CSMD1: variants seen among roughly 807,000 people sequenced by gnomAD.
CSMD1 encodes CUB and sushi domain-containing protein 1.
A neutral mutation model predicts 417.5 loss-of-function variants in CSMD1; 213 were observed. The ratio of observed to expected loss-of-function variants is 0.51; its 90% CI spans 0.46 to 0.57. CSMD1 has a LOEUF of 0.57. Among genes scored for constraint, CSMD1 ranks in the 20% least tolerant of loss-of-function variants. CSMD1 has a pLI of 0.00. For missense variants in CSMD1, 6,923 were observed against 4,529.7 expected (o/e 1.53, Z -15.17); for synonymous variants, 2,862 against 1,736.8 (o/e 1.65, Z -16.11).
intron 7 of CSMD1, among the ~76,000 whole-genome samples, chr8:3,628,253 CT>C (rs1796592464): frequency 6.6e-6 from 1 of 152,036 alleles, no homozygotes; most frequent in Non-Finnish European, 1.5e-5. Context: ...GAGAATAGTT[CT>C]TTCTTTAAAG....
rs184077642 is a variant in CSMD1 at position 3,947,355 on chromosome 8, A to G, written c.818+50548T>C. On this transcript the variant is annotated intron_variant, in intron 5 of 69. Transcript: ENST00000635120. ...CAATGATTTTCAAGAATGTTAAACCAATCTCGTATTCCTGAAAGTGACCCC... is the reference window on the plus strand; with the variant it reads ...CAATGATTTTCAAGAATGTTAAACCGATCTCGTATTCCTGAAAGTGACCCC... Among the ~76,000 whole-genome samples, 36 of 152,334 alleles carry G rather than the reference A, an allele frequency of 2.4e-4. No individual in the cohort carries two copies. The East Asian group carries it at 6.4e-3, about 27-fold the overall frequency.
intron 11 of CSMD1, among the ~76,000 whole-genome samples, chr8:3,485,623 G>C (rs781520633): frequency 2.0e-5 from 3 of 151,772 alleles, no homozygotes; most frequent in Non-Finnish European, 4.4e-5. Flanking sequence ...AGCTGGGTGT[G>C]GTGGCGCATG....
intron 3 of CSMD1, among the ~76,000 whole-genome samples, chr8:4,390,108 C>G (rs543465014): frequency 6.6e-6 from 1 of 152,294 alleles, no homozygotes; most frequent in East Asian, 1.9e-4. Context: ...ATTTGGTATT[C>G]CATAATTTTT....
intron 25 of CSMD1, among the ~76,000 whole-genome samples, chr8:3,291,584 T>C (rs905429858): frequency 2.0e-5 from 3 of 152,304 alleles, no homozygotes; most frequent in East Asian, 3.9e-4. Context: ...AATTTATCCA[T>C]TTTTTCTAGA....
At chr8:4,842,563 G>A (rs940129896) in intron 1 of CSMD1, among the ~76,000 whole-genome samples, 1 of 152,188 alleles carries the variant, frequency 6.6e-6, no homozygotes, top group Non-Finnish European at 1.5e-5. Flanking sequence ...CAACGTAGGA[G>A]CCATATTGAG....
chr8:4,613,883 G>T (rs548740216), intron 2 of CSMD1, among the ~76,000 whole-genome samples: 6 of 134,538 alleles, frequency 4.5e-5, no homozygotes, highest in East Asian at 4.1e-4. Flanking sequence ...AAAAGAAAAC[G>T]TTCCTCAATC....
chr8:3,934,333 C>G (rs999394120), intron 5 of CSMD1, among the ~76,000 whole-genome samples: 1 of 152,082 alleles, frequency 6.6e-6, no homozygotes, highest in African/African-American at 2.4e-5. Flanking sequence ...AAATAGTTAA[C>G]ACGTACAAAA....
At chr8:3,331,620 T>C (rs1169758172) in intron 23 of CSMD1, among the ~76,000 whole-genome samples, 1 of 152,164 alleles carries the variant, frequency 6.6e-6, no homozygotes, top group East Asian at 1.9e-4. Flanking sequence ...AGACAATGAA[T>C]GTGAATTGCC....
At chr8:3,299,899 A>G (rs1200338701) in intron 25 of CSMD1, among the ~76,000 whole-genome samples, 2 of 152,338 alleles carry the variant, frequency 1.3e-5, no homozygotes, top group Middle Eastern at 6.8e-3. Context: ...TGCTGGTGGT[A>G]TATCTACTCC....
intron 1 of CSMD1, among the ~76,000 whole-genome samples, chr8:4,718,222 C>A (rs532415615): frequency 6.6e-6 from 1 of 152,198 alleles, no homozygotes; most frequent in East Asian, 1.9e-4. Context: ...AGTGATTCTC[C>A]TGTCTCAGCC....
intron 1 of CSMD1, among the ~76,000 whole-genome samples, chr8:4,868,069 A>G (rs1006061100): frequency 2.6e-5 from 4 of 152,152 alleles, no homozygotes; most frequent in African/African-American, 9.6e-5. Context: ...TTTGTCTCTT[A>G]TTTACTGGAA....
intron 3 of CSMD1, among the ~76,000 whole-genome samples, chr8:4,067,349 G>A (rs951557639): frequency 6.6e-6 from 1 of 152,144 alleles, no homozygotes; most frequent in Non-Finnish European, 1.5e-5. Context: ...ATAATTCAGG[G>A]AATTTTAAAG....
intron 10 of CSMD1, among the ~76,000 whole-genome samples, chr8:3,517,183 A>G (rs975212870): frequency 6.6e-6 from 1 of 152,130 alleles, no homozygotes; most frequent in Admixed American, 6.6e-5. Context: ...CTGTCACCAG[A>G]TGTTTGACTC....
intron 50 of CSMD1, among the ~76,000 whole-genome samples, chr8:3,030,584 C>G (rs1388267682): frequency 2.2e-4 from 34 of 151,980 alleles, no homozygotes; most frequent in Admixed American, 2.2e-3. Context: ...TCAAGCGATT[C>G]TCCTGCCTCA....
chr8:4,005,596 A>G (rs1816048041), intron 4 of CSMD1, among the ~76,000 whole-genome samples: 1 of 152,214 alleles, frequency 6.6e-6, no homozygotes, highest in African/African-American at 2.4e-5. Flanking sequence ...TGGTATTATA[A>G]GGTTTGCAGT....
At chr8:4,902,193 T>C (rs928942036) in intron 1 of CSMD1, among the ~76,000 whole-genome samples, 15 of 152,082 alleles carry the variant, frequency 9.9e-5, no homozygotes, top group African/African-American at 3.4e-4. Flanking sequence ...AAGGATCACT[T>C]GAAGCCAAGA....
At chr8:3,476,500 T>C (rs1399854493) in intron 11 of CSMD1, among the ~76,000 whole-genome samples, 1 of 152,192 alleles carries the variant, frequency 6.6e-6, no homozygotes, top group African/African-American at 2.4e-5. Context: ...TACTATCATA[T>C]GAAACTACCA....
At chr8:4,373,996 G>T (rs944447700) in intron 3 of CSMD1, among the ~76,000 whole-genome samples, 1 of 152,294 alleles carries the variant, frequency 6.6e-6, no homozygotes, top group Middle Eastern at 3.4e-3. Context: ...AAGCCAGTAT[G>T]AACTATGACA....
At chr8:4,872,444 A>T (rs1001468900) in intron 1 of CSMD1, among the ~76,000 whole-genome samples, 1 of 152,026 alleles carries the variant, frequency 6.6e-6, no homozygotes, top group Non-Finnish European at 1.5e-5. Context: ...TGACGGTTTT[A>T]TAAGAGGATT....
Sources: gnomAD v4.1 joint callset for allele counts (sites outside exome capture counted in the v4.1 genomes callset) on GRCh38, gnomAD v4.1.1 for gene constraint, MANE v1.5 for transcripts, NCBI Gene and HGNC (gene_info 2026-07-23, HGNC 2026-07-21) for gene names.